CLPX: variants seen among roughly 807,000 people sequenced by gnomAD.
CLPX encodes the protein caseinolytic mitochondrial matrix peptidase chaperone subunit X.
A neutral mutation model predicts 76.4 loss-of-function variants in CLPX; 34 were observed. That is an observed-to-expected ratio of 0.45 (90% confidence interval 0.34 to 0.59). The LOEUF is 0.59. CLPX is among the 20% of genes least tolerant of loss of function. CLPX has a pLI of 0.01. For synonymous variants in CLPX, 248 were observed against 270.9 expected, an observed-to-expected ratio of 0.92 and a Z score of 0.83; for missense variants, 613 against 757.0, an observed-to-expected ratio of 0.81 and a Z score of 2.23.
chr15:65,167,598 G>A (rs1384227574), intron 3 of CLPX, among the ~76,000 whole-genome samples: 5 of 151,570 alleles, frequency 3.3e-5, no homozygotes, highest in Non-Finnish European at 7.4e-5. Flanking sequence ...AGCATTTTTC[G>A]GGCGTGTTGG....
intron 11 of CLPX, 36 bp downstream of exon 11, chr15:65,154,746 T>C (rs1352390633): frequency 6.6e-7 from 1 of 1,506,752 alleles, no homozygotes; most frequent in Non-Finnish European, 9.0e-7. Context: ...AGCAAGAAAA[T>C]AAAAAATAAC....
At chr15:65,171,957 T>A (rs569545624) in intron 3 of CLPX, among the ~76,000 whole-genome samples, 34 of 152,234 alleles carry the variant, frequency 2.2e-4, no homozygotes, top group Non-Finnish European at 4.6e-4. Flanking sequence ...AAATGCTATT[T>A]TGGGAAAAAA....
At chr15:65,151,110 C>T (rs927926461) in intron 13 of CLPX, among the ~76,000 whole-genome samples, 197 bp from the exon 14 acceptor site, 3 of 151,874 alleles carry the variant, frequency 2.0e-5, no homozygotes, top group African/African-American at 4.8e-5. Flanking sequence ...TTTGGAAGGC[C>T]GAGGAGGGCT....
chr15:65,152,490 A>G lies in CLPX; in HGVS notation c.1751T>C (p.Ile584Thr). Residue 584 changes from isoleucine (I) to threonine (T), a missense_variant, in exon 13 of 14, where the codon ATC becomes ACC. By Grantham distance (89) the Ile-to-Thr change is moderately conservative. Coordinates refer to ENST00000300107, the MANE Select transcript of CLPX (RefSeq NM_006660.5). ...EPMFEVPNSD[I>T]VCVEVDKEVV... ...TTCTTTGTCAACCTCCACACATACG[A>G]TATCAGAATTAGGGACTTCAAACAT... 6.4e-7 allele frequency: 1 copy of G among 1,561,396 alleles called. No individual in the cohort carries two copies. Among genetic ancestry groups the G allele is most frequent in the Non-Finnish European group, 8.7e-7 (1 of 1,155,092 alleles).
At chr15:65,183,369 G>C (rs1345009283) in intron 1 of CLPX, among the ~76,000 whole-genome samples, 1 of 149,946 alleles carries the variant, frequency 6.7e-6, no homozygotes, top group Non-Finnish European at 1.5e-5. Context: ...GCTGAGGCAG[G>C]AGAATGGCGT....
At chr15:65,179,692 A>G (rs917882343) in intron 2 of CLPX, among the ~76,000 whole-genome samples, 3 of 152,158 alleles carry the variant, frequency 2.0e-5, no homozygotes, top group African/African-American at 7.2e-5. Context: ...CAAATCTGAA[A>G]TTTTTAGGTA....
At chr15:65,183,867 CAAATATTAATATATATCAGATAAATG>C (rs1341191734) in intron 1 of CLPX, among the ~76,000 whole-genome samples, 1 of 152,166 alleles carries the variant, frequency 6.6e-6, no homozygotes, top group Admixed American at 6.5e-5. Flanking sequence ...GGACCCTTGA[CAAATATTAATATATATCAGATAAATG>C]GATTAAAATA....
At chr15:65,170,650 A>G (rs1447246000) in intron 3 of CLPX, among the ~76,000 whole-genome samples, 11 of 151,850 alleles carry the variant, frequency 7.2e-5, no homozygotes, top group African/African-American at 2.7e-4. Context: ...CTGTAATCCC[A>G]GCTACCTGAG....
intron 6 of CLPX, among the ~76,000 whole-genome samples, chr15:65,159,483 G>A (rs933307805): frequency 3.9e-5 from 6 of 152,122 alleles, no homozygotes; most frequent in South Asian, 2.1e-4. Flanking sequence ...GATGGCACGC[G>A]CCTATAGTCC....
intron 3 of CLPX, among the ~76,000 whole-genome samples, chr15:65,170,988 C>T (rs1409930727): frequency 6.6e-6 from 1 of 151,462 alleles, no homozygotes; most frequent in African/African-American, 2.4e-5. Flanking sequence ...ACACCCAGCT[C>T]ATTTTTGTAC....
chr15:65,170,823 T>TTTC (rs2087992848), intron 3 of CLPX, among the ~76,000 whole-genome samples: 2 of 10,576 alleles, frequency 1.9e-4, no homozygotes. Context: ...TCTGTTCTTC[T>TTTC]TTTTTTTTTT....
chr15:65,157,755 C>T lies in CLPX; in HGVS notation c.1048G>A (p.Ala350Thr), dbSNP rs2087807337. Reference protein sequence around the residue: ...LQDANYNVEKAQQGIVFLDEV... With the variant: ...LQDANYNVEKTQQGIVFLDEV... ...CATGCTGAAAACATACCTTGTTGTG[C>T]TTTTTCCACATTATAATTGGCATCT... is the stretch of plus-strand genomic sequence containing the variant. Residue 350 changes from alanine to threonine, a missense_variant, in exon 8 of 14, where the codon GCA becomes ACA. Transcript: ENST00000300107. The T allele has an allele frequency of 6.2e-7, 1 of 1,612,670 alleles. No homozygotes were observed. The highest frequency in any genetic ancestry group is 2.2e-5 in the East Asian group (1 of 44,800).
intron 3 of CLPX, among the ~76,000 whole-genome samples, chr15:65,176,694 C>G (rs1220312035): frequency 6.7e-6 from 1 of 150,168 alleles, no homozygotes; most frequent in Non-Finnish European, 1.5e-5. Flanking sequence ...TTCCTAGGTT[C>G]AAGCAATTCT....
chr15:65,182,004 T>C (rs943448851), intron 1 of CLPX, among the ~76,000 whole-genome samples: 1 of 150,552 alleles, frequency 6.6e-6, no homozygotes, highest in Non-Finnish European at 1.5e-5. Flanking sequence ...GCGCCTGTAG[T>C]CTCAGCTACC....
intron 3 of CLPX, among the ~76,000 whole-genome samples, chr15:65,171,326 A>T (rs2088003081): frequency 6.6e-6 from 1 of 151,940 alleles, no homozygotes; most frequent in Non-Finnish European, 1.5e-5. Context: ...TTGTGCCTGT[A>T]ATCCTAGCAA....
chr15:65,160,623 T>TCTCTCA (rs1219208926), intron 6 of CLPX, among the ~76,000 whole-genome samples: 238 of 101,024 alleles, frequency 2.4e-3, no homozygotes, highest in Middle Eastern at 5.4e-3. Context: ...TCTCTCTCTC[T>TCTCTCA]CACACACACA....
Position 65,157,004 on chromosome 15 carries a change from T to TTA in CLPX, c.1058-74_1058-73dup, listed in dbSNP as rs957109162. On this transcript the variant is annotated intron_variant, in intron 8 of 13. Coordinates refer to ENST00000300107, the MANE Select transcript of CLPX (RefSeq NM_006660.5). The stretch of plus-strand genomic sequence containing the variant: ...CAAGATAGCCTCAGCTTTAAAATAC[T>TTA]TAGGTAGCTAGAGAACAAAGTTATT... 9 of 927,044 alleles carry TTA rather than the reference T, an allele frequency of 9.7e-6. No homozygotes were observed. In the African/African-American group the frequency reaches 1.2e-4, roughly 12 times the overall value. The allele number at this position is 927,044 out of a possible 1,614,324, so 57.4% of individuals were successfully genotyped here. A position where few individuals can be genotyped will look rare whatever the true frequency, so the allele number is the denominator to read the frequency against.
At chr15:65,152,274 A>G (rs1051442056) in intron 13 of CLPX, among the ~76,000 whole-genome samples, 156 bp downstream of exon 13, 5 of 152,146 alleles carry the variant, frequency 3.3e-5, no homozygotes, top group Non-Finnish European at 1.5e-5. Flanking sequence ...ATTTTATAAT[A>G]CCCAAATTAG....
chr15:65,168,148 G>A (rs957685087), intron 3 of CLPX, among the ~76,000 whole-genome samples: 2 of 151,500 alleles, frequency 1.3e-5, no homozygotes, highest in Non-Finnish European at 1.5e-5. Context: ...CCAGCACTTT[G>A]GGAGGCCGAG....
Sources: gnomAD v4.1 joint callset for allele counts (sites outside exome capture counted in the v4.1 genomes callset) on GRCh38, gnomAD v4.1.1 for gene constraint, MANE v1.5 for transcripts, NCBI Gene and HGNC (gene_info 2026-07-23, HGNC 2026-07-21) for gene names.